The following CNBD1 variants were observed in gnomAD, a reference collection of about 807,000 sequenced individuals.
CNBD1 encodes the protein cyclic nucleotide-binding domain-containing protein 1.
CNBD1 carries 71 observed loss-of-function variants against 54.4 expected under a neutral mutation model. That is an observed-to-expected ratio of 1.30 (90% CI 1.08 to 1.59). The LOEUF is 1.59. Among genes scored for constraint, CNBD1 ranks in the 40% most tolerant of loss-of-function variants. The pLI, the probability that CNBD1 is intolerant of heterozygous loss-of-function variation, is 0.00. For synonymous variants in CNBD1, 182 were observed against 170.7 expected (o/e 1.07, Z -0.51); for missense variants, 659 against 518.0 (o/e 1.27, Z -2.64).
chr8:87,424,945 C>A (rs1432380675), intron 2 of CNBD1, among the ~76,000 whole-genome samples: 1 of 152,122 alleles, frequency 6.6e-6, no homozygotes, highest in South Asian at 2.1e-4. Flanking sequence ...CTCCCCATGA[C>A]TTTCAGGTAC....
At chr8:87,090,724 G>T in intron 4 of CNBD1, among the ~76,000 whole-genome samples, 1 of 152,202 alleles carries the variant, frequency 6.6e-6, no homozygotes, top group African/African-American at 2.4e-5. Flanking sequence ...TAAACAATTA[G>T]ATTGAGTTTG....
At chr8:87,279,869 A>G (rs757208897) in intron 6 of CNBD1, among the ~76,000 whole-genome samples, 30 of 151,656 alleles carry the variant, frequency 2.0e-4, no homozygotes, top group Non-Finnish European at 3.5e-4. Context: ...ATAGGAAGCC[A>G]TGCTTAGCCA....
chr8:87,099,490 G>A (rs1446591491), intron 4 of CNBD1, among the ~76,000 whole-genome samples: 11 of 152,142 alleles, frequency 7.2e-5, no homozygotes, highest in South Asian at 2.1e-4. Context: ...GAGGGCCGTC[G>A]TCAATGCTAA....
intron 4 of CNBD1, among the ~76,000 whole-genome samples, chr8:87,024,842 G>A (rs533082922): frequency 7.2e-5 from 11 of 152,188 alleles, no homozygotes; most frequent in African/African-American, 2.6e-4. Context: ...TACTACCTAA[G>A]ACTGTACAAA....
rs1563596926 is a variant in CNBD1, at chr8:87,423,775, A to C, written c.214-4771A>C. On this transcript the variant is annotated intron_variant, in intron 2 of 7. Coordinates refer to the CNBD1 transcript ENST00000521593. ...GTCTCTGCCCGGCTTTTGTATCAGA[A>C]TGATGCTGGCCTCATAAAATGAGTT... Among the ~76,000 whole-genome samples, 5 of 152,028 alleles carry C rather than the reference A, an allele frequency of 3.3e-5. No individual in the cohort carries two copies. In the South Asian group the frequency reaches 8.3e-4, roughly 25 times the overall value.
At chr8:87,277,433 AAC>A (rs1209003319) in intron 6 of CNBD1, among the ~76,000 whole-genome samples, 2 of 151,824 alleles carry the variant, frequency 1.3e-5, no homozygotes, top group African/African-American at 4.8e-5. Flanking sequence ...TCTCCAGAGA[AAC>A]ACACAGAAAA....
intron 3 of CNBD1, among the ~76,000 whole-genome samples, chr8:86,907,529 A>T (rs1415025872): frequency 6.6e-6 from 1 of 151,872 alleles, no homozygotes; most frequent in Non-Finnish European, 1.5e-5. Context: ...TTAGCCGGGC[A>T]TGGTGGTGGG....
intron 6 of CNBD1, among the ~76,000 whole-genome samples, chr8:87,254,277 A>G (rs1431413226): frequency 6.6e-6 from 1 of 152,180 alleles, no homozygotes; most frequent in East Asian, 1.9e-4. Context: ...GGAACTGAGA[A>G]AAAAATTCCA....
chr8:87,289,808 A>C (rs1197885711), intron 8 of CNBD1, among the ~76,000 whole-genome samples: 2 of 152,124 alleles, frequency 1.3e-5, no homozygotes, highest in African/African-American at 4.8e-5. Flanking sequence ...AATCTCTTCC[A>C]GTTCAATTTA....
intron 1 of CNBD1, among the ~76,000 whole-genome samples, chr8:86,869,432 A>G (rs1808410049): frequency 6.6e-6 from 1 of 152,154 alleles, no homozygotes; most frequent in African/African-American, 2.4e-5. Context: ...CTTAAATGCT[A>G]TTAATATATG....
chr8:87,385,333 C>G (rs746158958), downstream of CNBD1, among the ~76,000 whole-genome samples: 1 of 151,802 alleles, frequency 6.6e-6, no homozygotes, highest in Non-Finnish European at 1.5e-5. Flanking sequence ...TCGCCTCACC[C>G]GGGAAGGGCA....
At chr8:87,171,618 G>A (rs1813088679) in intron 4 of CNBD1, among the ~76,000 whole-genome samples, 1 of 151,160 alleles carries the variant, frequency 6.6e-6, no homozygotes, top group Non-Finnish European at 1.5e-5. Flanking sequence ...TTTATTTGAA[G>A]TTTTTCTTTT....
chr8:87,122,050 T>A (rs544357877), intron 4 of CNBD1, among the ~76,000 whole-genome samples: 1 of 151,764 alleles, frequency 6.6e-6, no homozygotes, highest in East Asian at 1.9e-4. Flanking sequence ...ATCTCTTTAA[T>A]GTATTGATTT....
intron 4 of CNBD1, among the ~76,000 whole-genome samples, chr8:86,997,593 G>A (rs1035712141): frequency 1.3e-5 from 2 of 152,166 alleles, no homozygotes; most frequent in African/African-American, 4.8e-5. Flanking sequence ...AATAGGGCCT[G>A]TAAAAGTGGG....
intron 1 of CNBD1, among the ~76,000 whole-genome samples, chr8:86,883,473 T>C (rs148778481): frequency 6.6e-6 from 1 of 152,256 alleles, no homozygotes; most frequent in Non-Finnish European, 1.5e-5. Flanking sequence ...GGATCTAAGC[T>C]GAGAAGAGAA....
intron 4 of CNBD1, among the ~76,000 whole-genome samples, chr8:87,197,895 A>T (rs1303884359): frequency 6.6e-6 from 1 of 152,156 alleles, no homozygotes; most frequent in Admixed American, 6.5e-5. Context: ...CTTGAGATAC[A>T]GGTTGACCTT....
At chr8:86,945,691 G>A (rs1464319475) in intron 4 of CNBD1, among the ~76,000 whole-genome samples, 3 of 152,166 alleles carry the variant, frequency 2.0e-5, no homozygotes, top group African/African-American at 7.2e-5. Flanking sequence ...GGTTAATAAA[G>A]AACGGTGTGG....
At chr8:87,026,895 T>C (rs897068453) in intron 4 of CNBD1, among the ~76,000 whole-genome samples, 12 of 152,204 alleles carry the variant, frequency 7.9e-5, no homozygotes, top group Non-Finnish European at 2.9e-5. Context: ...TGGGTTTCTA[T>C]GCCAAACCTT....
chr8:86,878,137 A>G (rs1361351236), intron 1 of CNBD1, among the ~76,000 whole-genome samples: 3 of 151,206 alleles, frequency 2.0e-5, no homozygotes, highest in Non-Finnish European at 3.0e-5. Context: ...AGAGACGGAG[A>G]AGCACAGATT....
Sources: gnomAD v4.1 joint callset for allele counts (sites outside exome capture counted in the v4.1 genomes callset) on GRCh38, gnomAD v4.1.1 for gene constraint, MANE v1.5 for transcripts, NCBI Gene and HGNC (gene_info 2026-07-23, HGNC 2026-07-21) for gene names.